ASMTL: variants seen among roughly 807,000 people sequenced by gnomAD.
The protein encoded by ASMTL is acetylserotonin O-methyltransferase like.
ASMTL carries 57 observed loss-of-function variants against 60.3 expected under a neutral mutation model. The observed-to-expected ratio is 0.95, with a 90% CI of 0.76 to 1.18. The LOEUF (loss-of-function observed/expected upper bound fraction) is 1.18. Ranked by LOEUF, ASMTL falls within the 50% of genes most tolerant of loss-of-function variation. ASMTL has a pLI of 0.00. For synonymous variants in ASMTL, 419 were observed against 373.0 expected, an observed-to-expected ratio of 1.12 and a Z score of -1.42; for missense variants, 981 against 852.6, an observed-to-expected ratio of 1.15 and a Z score of -1.88.
chrX:1,453,454 G>A (rs772886328), upstream of ASMTL, among the ~76,000 whole-genome samples: 2 of 148,380 alleles, frequency 1.3e-5, no homozygotes, highest in African/African-American at 5.0e-5. Flanking sequence ...TCCCCACCCC[G>A]CCTGCGGCGC....
intron 5 of ASMTL, among the ~76,000 whole-genome samples, chrX:1,433,898 T>C (rs1373500562): frequency 1.3e-5 from 2 of 152,020 alleles, no homozygotes; most frequent in Non-Finnish European, 2.9e-5. Flanking sequence ...TGTCCCGAGT[T>C]CTGTGAGCCC....
intron 12 of ASMTL, among the ~76,000 whole-genome samples, chrX:1,411,171 G>A (rs28420917): frequency 0.87 from 131,804 of 151,588 alleles, 57,433 homozygotes; most frequent in Middle Eastern, 0.97. Flanking sequence ...GCGACAGAGC[G>A]AGACTCCGTC....
At chrX:1,429,976 C>A (rs2090724840) in intron 6 of ASMTL, among the ~76,000 whole-genome samples, 1 of 151,708 alleles carries the variant, frequency 6.6e-6, no homozygotes, top group East Asian at 1.9e-4. Flanking sequence ...AAACCACAGT[C>A]ACTAGGCTGT....
Position 1,411,194 on chromosome X carries a change from A to C in ASMTL, c.1645+1538T>G, listed in dbSNP as rs1298512238. 1.4e-4 allele frequency among the ~76,000 whole-genome samples: 21 copies of C among 145,264 alleles called. No individual in the cohort carries two copies. The East Asian group carries it at 4.2e-3, about 29-fold the overall frequency. The stretch of plus-strand genomic sequence containing the variant: ...GCGAGACTCCGTCTCAAAAAAAAAA[A>C]AGAAGAGAGATACACAGAGAAAGAG... On this transcript the variant is annotated intron_variant, in intron 12 of 12. Transcript: ENST00000381317.
At chrX:1,418,281 T>C (rs1290835865) in intron 10 of ASMTL, 165 bp from the exon 11 acceptor site, 1 of 305,152 alleles carries the variant, frequency 3.3e-6, no homozygotes, top group Non-Finnish European at 4.8e-6. Flanking sequence ...CAGACAAGAC[T>C]GTACAAGCAG....
intron 6 of ASMTL, among the ~76,000 whole-genome samples, chrX:1,429,378 T>C (rs1405275650): frequency 2.0e-5 from 3 of 152,004 alleles, no homozygotes; most frequent in African/African-American, 7.2e-5. Flanking sequence ...TATCATTTTT[T>C]ATAAAGATGG....
At chrX:1,445,466 A>G (rs1393016560) in intron 1 of ASMTL, among the ~76,000 whole-genome samples, 4 of 152,098 alleles carry the variant, frequency 2.6e-5, no homozygotes. Context: ...CAAACTACAT[A>G]ATGACAGCAG....
intron 9 of ASMTL, 73 bp from the exon 10 acceptor site, chrX:1,419,187 C>CG (rs1345501019): frequency 1.1e-4 from 167 of 1,566,514 alleles, no homozygotes; most frequent in Non-Finnish European, 1.4e-4. Flanking sequence ...CCCTGGGGGT[C>CG]GGGGGGAGAA....
rs761383134 is a variant in ASMTL, at chrX:1,423,239, A to G, written c.1061-1397T>C. ...AGTGCTGGGATTACAGGCGTGGCCT[A>G]TTCATCATTATTTTCAATACGGGAG... On this transcript the variant is annotated intron_variant, in intron 8 of 12. Coordinates refer to ENST00000381317, the MANE Select transcript of ASMTL (RefSeq NM_004192.4). Among the ~76,000 whole-genome samples, 19 of 152,208 alleles carry G rather than the reference A, an allele frequency of 1.2e-4. No homozygotes were observed. The South Asian group carries it at 3.7e-3, about 30-fold the overall frequency.
intron 5 of ASMTL, among the ~76,000 whole-genome samples, chrX:1,433,560 G>A (rs1191248765): frequency 2.7e-4 from 40 of 148,808 alleles, no homozygotes; most frequent in Middle Eastern, 3.5e-3. Context: ...CGGGCCCGTC[G>A]TCCCAGCTAC....
intron 12 of ASMTL, among the ~76,000 whole-genome samples, chrX:1,411,450 A>G (rs1460779153): frequency 6.6e-6 from 1 of 152,178 alleles, no homozygotes; most frequent in Admixed American, 6.5e-5. Flanking sequence ...GTGGAAACCC[A>G]ATATGCAGCC....
chrX:1,439,939 GGCAGTCACAGGACATCTGTGT>G (rs1209086694), intron 2 of ASMTL, among the ~76,000 whole-genome samples: 1 of 151,970 alleles, frequency 6.6e-6, no homozygotes, highest in African/African-American at 2.4e-5. Flanking sequence ...CAGAGCAACA[GGCAGTCACAGGACATCTGTGT>G]GCAGCTTTGA....
intron 2 of ASMTL, among the ~76,000 whole-genome samples, chrX:1,439,930 A>G (rs1439243598): frequency 6.6e-6 from 1 of 151,950 alleles, no homozygotes; most frequent in Non-Finnish European, 1.5e-5. Context: ...ATTCAGCCTC[A>G]GAGCAACAGG....
At chrX:1,439,916 G>C (rs1263304772) in intron 2 of ASMTL, among the ~76,000 whole-genome samples, 1 of 151,662 alleles carries the variant, frequency 6.6e-6, no homozygotes, top group African/African-American at 2.4e-5. Context: ...AATCCAGGTT[G>C]AAAATTCAGC....
At position 1,448,528 on chromosome X, in the gene ASMTL, C is replaced by T. The variant is rs764289073; in HGVS notation, c.93+4220G>A. On this transcript the variant is annotated intron_variant, in intron 1 of 12. Transcript: ENST00000381317. ...GCACCACCATCTTGGACACATGCCG[C>T]CATCTTGGACACACACTGCCATCTT... Among the ~76,000 whole-genome samples the T allele has an allele frequency of 2.5e-4, 37 of 147,438 alleles. 1 individual carries two copies. The East Asian group carries it at 6.3e-3, about 25-fold the overall frequency.
chrX:1,404,395 AGGTG>A (rs1395808625), intron 12 of ASMTL, among the ~76,000 whole-genome samples: 8 of 149,990 alleles, frequency 5.3e-5, no homozygotes, highest in East Asian at 4.0e-4. Flanking sequence ...ATGGGTAGGT[AGGTG>A]GATGGATGGA....
chrX:1,403,488 C>G lies in ASMTL; in HGVS notation c.1647G>C (p.Gly549=). ...GCGTCTCCACCAGCAGCAGGCCGGC[C>G]CCTGAGGGAGACAGCAGAGAGCTGG... ...LSRVAESCKP[G]AGLLLVETLL... Residue 549 remains glycine (G), a splice_region_variant and synonymous_variant, in exon 13 of 13, where the codon GGG becomes GGC. Transcript: ENST00000381317. 1.9e-6 allele frequency: 3 copies of G among 1,612,748 alleles called. No homozygotes were observed. In the East Asian group the frequency reaches 6.7e-5, roughly 36 times the overall value.
chrX:1,445,839 C>T (rs180914607), intron 1 of ASMTL, among the ~76,000 whole-genome samples: 1 of 152,190 alleles, frequency 6.6e-6, no homozygotes, highest in East Asian at 1.9e-4. Context: ...GAGATAGGAG[C>T]TGAGGGGACA....
intron 1 of ASMTL, among the ~76,000 whole-genome samples, chrX:1,449,145 A>G (rs1198919485): frequency 6.6e-6 from 1 of 152,116 alleles, no homozygotes; most frequent in African/African-American, 2.4e-5. Flanking sequence ...AAATACCCTT[A>G]GTCTGTAAGA....
Sources: gnomAD v4.1 joint callset for allele counts (sites outside exome capture counted in the v4.1 genomes callset) on GRCh38, gnomAD v4.1.1 for gene constraint, MANE v1.5 for transcripts, NCBI Gene and HGNC (gene_info 2026-07-23, HGNC 2026-07-21) for gene names.